The following MECR variants were observed in gnomAD, a reference collection of about 807,000 sequenced individuals.
MECR encodes mitochondrial trans-2-enoyl-CoA reductase.
Under a neutral mutation model 49.1 loss-of-function variants are expected in MECR, and 37 were observed. That is an observed-to-expected ratio of 0.75 (90% CI 0.58 to 0.99). MECR has a LOEUF of 0.99. Among genes scored for constraint, MECR ranks in the 50% least tolerant of loss-of-function variants. The pLI is 0.00. For synonymous variants in MECR, 198 were observed against 191.1 expected, an observed-to-expected ratio of 1.04 and a Z score of -0.30; for missense variants, 470 against 479.6, an observed-to-expected ratio of 0.98 and a Z score of 0.19.
rs866159568 is a variant in MECR, at chr1:29,195,252, C to T, written c.964+689G>A. Reference sequence around the variant, plus strand: ...CCAGCTCAGATCTAGTGCTCCAGGTCGCTCGGAACCGCTTCAGTGCCTAGT... The same window carrying T: ...CCAGCTCAGATCTAGTGCTCCAGGTTGCTCGGAACCGCTTCAGTGCCTAGT... On this transcript the variant is annotated intron_variant, in intron 9 of 9. Coordinates refer to ENST00000263702, the MANE Select transcript of MECR (RefSeq NM_016011.5). Among the ~76,000 whole-genome samples the T allele has an allele frequency of 1.1e-4, 16 of 152,340 alleles. 1 individual carries two copies. The Middle Eastern group carries it at 0.017, about 162-fold the overall frequency.
chr1:29,168,077 G>A, the MECR span, among the ~76,000 whole-genome samples: 4 of 150,674 alleles, frequency 2.7e-5, no homozygotes, highest in East Asian at 2.0e-4. Context: ...GCGCAGCGGC[G>A]CGATCTCCAC....
intron 4 of MECR, among the ~76,000 whole-genome samples, chr1:29,205,172 TTTTTG>T (rs150331072): frequency 0.2 from 30,146 of 151,482 alleles, 3,496 homozygotes; most frequent in Non-Finnish European, 0.28. Flanking sequence ...CAAGGGTTAG[TTTTTG>T]TTTTGTTTTG....
chr1:29,178,559 T>C, the MECR span, among the ~76,000 whole-genome samples: 1 of 151,902 alleles, frequency 6.6e-6, no homozygotes, highest in Non-Finnish European at 1.5e-5. Context: ...GGTTTCACCA[T>C]CTTAACCAGG....
rs1416194458 is a variant in MECR, at chr1:29,216,152, A to T, written c.275-16T>A. ...CCGTAGTTTCCTGAGGGAGAAGAGC[A>T]TTAAAGGGTCAACCAGTGATGTTTG... On this transcript the variant is annotated splice_polypyrimidine_tract_variant and intron_variant, in intron 2 of 9. Transcript: ENST00000263702. 1 of 1,613,278 alleles carries T rather than the reference A, an allele frequency of 6.2e-7. No individual in the cohort carries two copies. The highest frequency in any genetic ancestry group is 8.5e-7 in the Non-Finnish European group (1 of 1,179,532).
chr1:29,209,579 A>G (rs919536339), intron 3 of MECR, among the ~76,000 whole-genome samples: 18 of 152,130 alleles, frequency 1.2e-4, no homozygotes, highest in Non-Finnish European at 2.6e-4. Context: ...GGGATGAGGA[A>G]CAGAAGATGG....
downstream of MECR, among the ~76,000 whole-genome samples, chr1:29,192,587 A>G (rs1332101997): frequency 6.6e-6 from 1 of 152,170 alleles, no homozygotes; most frequent in Non-Finnish European, 1.5e-5. Flanking sequence ...TAGGCACTCA[A>G]TAAATACGTC....
the MECR span, among the ~76,000 whole-genome samples, chr1:29,182,265 G>A: frequency 6.6e-6 from 1 of 152,116 alleles, no homozygotes; most frequent in Admixed American, 6.5e-5. Context: ...TTGTGTACCC[G>A]TGACCTTGGG....
chr1:29,201,149 C>G lies in MECR; in HGVS notation c.757-560G>C, dbSNP rs189695581. On this transcript the variant is annotated intron_variant, in intron 6 of 9. Coordinates refer to ENST00000263702, the MANE Select transcript of MECR (RefSeq NM_016011.5). This position sits in a 1 kb window ranked among gnomAD's most constrained non-coding sequence, Gnocchi z 4.3. Reference sequence around the variant, plus strand: ...TCCTGTTGTCCATTTTAGGACCTGGCAGAACTCATCTTCTCTGGGAAAGAA... The same window carrying G: ...TCCTGTTGTCCATTTTAGGACCTGGGAGAACTCATCTTCTCTGGGAAAGAA... Among the ~76,000 whole-genome samples, 581 of 152,284 alleles carry G rather than the reference C, an allele frequency of 3.8e-3. 2 individuals are homozygous for G. Among genetic ancestry groups the G allele is most frequent in the Non-Finnish European group, 5.8e-3 (395 of 68,032 alleles).
intron 1 of MECR, chr1:29,220,792 G>T: frequency 2.0e-6 from 1 of 491,480 alleles, no homozygotes; most frequent in Non-Finnish European, 2.6e-6. Flanking sequence ...TCAGTTCACG[G>T]GATTAAATGA....
At chr1:29,207,220 CGT>C (rs1444950066) in intron 3 of MECR, among the ~76,000 whole-genome samples, 1 of 151,934 alleles carries the variant, frequency 6.6e-6, no homozygotes, top group African/African-American at 2.4e-5. Flanking sequence ...CTCCTGGGTT[CGT>C]GATTCTTATG....
Position 29,201,463 on chromosome 1 carries a change from T to C in MECR, c.756+480A>G, listed in dbSNP as rs78587717. On this transcript the variant is annotated intron_variant, in intron 6 of 9. Coordinates refer to ENST00000263702, the MANE Select transcript of MECR (RefSeq NM_016011.5). This position sits in a 1 kb window ranked among gnomAD's most constrained non-coding sequence, Gnocchi z 4.3. Reference sequence around the variant, plus strand: ...CAGCTCTGACTCTCTGGAGCCCTTATAAACTATATGATTTTGGTTAAGCAT... The same window carrying C: ...CAGCTCTGACTCTCTGGAGCCCTTACAAACTATATGATTTTGGTTAAGCAT... 2.0e-6 allele frequency: 1 copy of C among 511,304 alleles called. No individual in the cohort carries two copies. The highest frequency in any genetic ancestry group is 1.5e-5 in the South Asian group (1 of 68,160). 31.7% of individuals were successfully genotyped at this position (511,304 alleles called of 1,614,324 possible). A position where few individuals can be genotyped will look rare whatever the true frequency, so the allele number is the denominator to read the frequency against.
At chr1:29,178,256 A>AT in the MECR span, among the ~76,000 whole-genome samples, 1 of 152,044 alleles carries the variant, frequency 6.6e-6, no homozygotes, top group Admixed American at 6.6e-5. Context: ...TCAGCCTAAC[A>AT]TATCTACTGA....
At position 29,230,827 on chromosome 1, in the gene MECR, T is replaced by A. The variant is rs1042853691; in HGVS notation, c.80A>T (p.His27Leu). The A allele has an allele frequency of 1.2e-6, 2 of 1,607,818 alleles. No homozygotes were observed. Among genetic ancestry groups the A allele is most frequent in the Non-Finnish European group, 8.5e-7 (1 of 1,179,048 alleles). ...WRGLLPASGC[H>L]GPAASSYSAS... The stretch of plus-strand genomic sequence containing the variant: ...GGAGTAGGAGGAGGCGGCAGGTCCG[T>A]GACAGCCAGAAGCTGGGAGCAGCCC... The change falls in exon 1 of 10, where the codon CAC (histidine) becomes CTC (leucine). Residue 27 changes from histidine (H) to leucine (L), a missense_variant. Transcript: ENST00000263702.
At chr1:29,199,119 TGGTAGCTA>T (rs1446137239) in intron 7 of MECR, among the ~76,000 whole-genome samples, 3 of 152,212 alleles carry the variant, frequency 2.0e-5, no homozygotes, top group Admixed American at 6.5e-5. Flanking sequence ...TCTCTGTACC[TGGTAGCTA>T]GTAAGTGCTC....
chr1:29,198,262 G>A lies in MECR; in HGVS notation c.831-2004C>T, dbSNP rs531562075. The stretch of plus-strand genomic sequence containing the variant: ...AGGCCACGAACTGGTACTGGTCTGC[G>A]GCCTGGGGGCTGGGGACCCGTGTTA... On this transcript the variant is annotated intron_variant, in intron 7 of 9. Transcript: ENST00000263702. Among the ~76,000 whole-genome samples the A allele has an allele frequency of 3.3e-5, 5 of 152,294 alleles. No homozygotes were observed. In the South Asian group the frequency reaches 1.0e-3, roughly 32 times the overall value.
chr1:29,199,341 CCTCAGA>C (rs1674765900), intron 7 of MECR, among the ~76,000 whole-genome samples: 1 of 152,176 alleles, frequency 6.6e-6, no homozygotes, highest in African/African-American at 2.4e-5. Context: ...CATTCTCCTG[CCTCAGA>C]CTCCTGAGCA....
intron 4 of MECR, among the ~76,000 whole-genome samples, chr1:29,205,672 A>C (rs1676397190): frequency 6.6e-6 from 1 of 151,934 alleles, no homozygotes; most frequent in Non-Finnish European, 1.5e-5. Context: ...TCTACTAAAA[A>C]TACAAAAATT....
the MECR span, among the ~76,000 whole-genome samples, chr1:29,177,741 T>C: frequency 6.6e-6 from 1 of 152,276 alleles, no homozygotes; most frequent in African/African-American, 2.4e-5. Context: ...ACATTAGCGA[T>C]GCCTGGTGTA....
chr1:29,197,120 GT>G (rs1239557243), intron 7 of MECR, among the ~76,000 whole-genome samples: 2 of 152,312 alleles, frequency 1.3e-5, no homozygotes, highest in Admixed American at 6.5e-5. Flanking sequence ...TGACTTGTAT[GT>G]TTAGCCAGGA....
Sources: allele counts gnomAD v4.1 joint callset (sites outside exome capture counted in the v4.1 genomes callset), GRCh38; gene constraint gnomAD v4.1.1; non-coding constraint Gnocchi (gnomAD v3.1); transcripts MANE v1.5; gene names NCBI Gene and HGNC (gene_info 2026-07-23, HGNC 2026-07-21).